Variants in FUT9 observed in about 807,000 individuals in gnomAD.
The protein encoded by FUT9 is 4-galactosyl-N-acetylglucosaminide 3-alpha-L-fucosyltransferase 9.
FUT9 carries 15 observed loss-of-function variants against 29.7 expected under a neutral mutation model. The ratio of observed to expected loss-of-function variants is 0.51; its 90% CI spans 0.34 to 0.78. The LOEUF is 0.78. Among genes scored for constraint, FUT9 ranks in the 30% least tolerant of loss-of-function variants. FUT9 has a pLI of 0.01. For synonymous variants in FUT9, 169 were observed against 153.7 expected (o/e 1.10, Z -0.74); for missense variants, 319 against 425.4 (o/e 0.75, Z 2.20).
At chr6:96,156,742 G>A (rs1230032766) in intron 2 of FUT9, among the ~76,000 whole-genome samples, 1 of 152,104 alleles carries the variant, frequency 6.6e-6, no homozygotes, top group Non-Finnish European at 1.5e-5. Context: ...AAAGCAAGCT[G>A]GCTAACTCCT....
At position 96,208,528 on chromosome 6, in the gene FUT9, A is replaced by G. The variant is rs1304241846; in HGVS notation, c.*4293A>G. ...ACATGAATGTGATAAGTGGTCCTGT[A>G]AAATATTTTTTAAGAGTAGTGACAA... On this transcript the variant is annotated 3_prime_UTR_variant, in exon 3 of 3. Coordinates refer to ENST00000302103, the MANE Select transcript of FUT9 (RefSeq NM_006581.4). 6.0e-6 allele frequency: 1 copy of G among 166,880 alleles called. No individual in the cohort carries two copies. Among genetic ancestry groups the G allele is most frequent in the East Asian group, 1.9e-4 (1 of 5,204 alleles). 10.3% of individuals were successfully genotyped at this position (166,880 alleles called of 1,614,324 possible).
At chr6:96,039,696 T>C (rs182635792) in intron 1 of FUT9, among the ~76,000 whole-genome samples, 1 of 152,256 alleles carries the variant, frequency 6.6e-6, no homozygotes, top group African/African-American at 2.4e-5. Flanking sequence ...ATCTCTCATG[T>C]TGCTTATTAT....
intron 1 of FUT9, among the ~76,000 whole-genome samples, chr6:96,034,934 A>T (rs1229825340): frequency 6.6e-6 from 1 of 151,750 alleles, no homozygotes; most frequent in Non-Finnish European, 1.5e-5. Context: ...GTGGTTTGGG[A>T]ACTACAAGGT....
rs192315364 is a variant in FUT9 at position 96,057,678 on chromosome 6, C to A, written c.-98+41466C>A. Among the ~76,000 whole-genome samples the A allele has an allele frequency of 1.4e-3, 215 of 152,238 alleles. 1 individual carries two copies. Among genetic ancestry groups the A allele is most frequent in the African/African-American group, 5.1e-3 (211 of 41,544 alleles). On this transcript the variant is annotated intron_variant, in intron 1 of 2. Coordinates refer to ENST00000302103, the MANE Select transcript of FUT9 (RefSeq NM_006581.4). ...AAATTCTGTGCCACAATTTTTGCTA[C>A]AGAAAATTAGTGTGAGCACAGAACG...
intron 1 of FUT9, chr6:96,036,889 T>C (rs990027377): frequency 2.0e-5 from 3 of 152,008 alleles, no homozygotes; most frequent in Non-Finnish European, 2.9e-5. Flanking sequence ...CCTGAAGATA[T>C]TATTAAAATG....
chr6:96,117,046 A>AATAT (rs1771925072), intron 2 of FUT9, among the ~76,000 whole-genome samples: 2 of 152,194 alleles, frequency 1.3e-5, no homozygotes, highest in Non-Finnish European at 2.9e-5. Flanking sequence ...GTAATATATA[A>AATAT]ACTTACTGAA....
chr6:96,140,092 C>A (rs1228853594), intron 2 of FUT9, among the ~76,000 whole-genome samples: 2 of 152,114 alleles, frequency 1.3e-5, no homozygotes, highest in African/African-American at 4.8e-5. Flanking sequence ...CCTCCAGATA[C>A]CCTAAATTAT....
At chr6:96,125,261 C>G (rs946681513) in intron 2 of FUT9, among the ~76,000 whole-genome samples, 2 of 152,114 alleles carry the variant, frequency 1.3e-5, no homozygotes, top group African/African-American at 4.8e-5. Context: ...GACTGTTCTT[C>G]CAAATTGCAT....
At chr6:96,083,127 C>G (rs930490454) in intron 1 of FUT9, among the ~76,000 whole-genome samples, 4 of 152,018 alleles carry the variant, frequency 2.6e-5, no homozygotes, top group African/African-American at 9.7e-5. Flanking sequence ...CCTATCCTTT[C>G]TCACCAGAAT....
rs139603861 is a variant in FUT9, at chr6:96,029,019, A to G, written c.-98+12807A>G. Among the ~76,000 whole-genome samples the G allele has an allele frequency of 1.7e-3, 253 of 151,582 alleles. 1 individual carries two copies. The highest frequency in any genetic ancestry group is 5.7e-3 in the African/African-American group (236 of 41,400). ...ACAAAGCCAGAGGAACTACAAAACCATAACTTTTGTTAAACCTGTTGTAAA... is the reference window on the plus strand; with the variant it reads ...ACAAAGCCAGAGGAACTACAAAACCGTAACTTTTGTTAAACCTGTTGTAAA... On this transcript the variant is annotated intron_variant, in intron 1 of 2. Coordinates refer to ENST00000302103, the MANE Select transcript of FUT9 (RefSeq NM_006581.4).
At chr6:96,165,961 T>G (rs998214281) in intron 2 of FUT9, among the ~76,000 whole-genome samples, 1 of 152,162 alleles carries the variant, frequency 6.6e-6, no homozygotes, top group Admixed American at 6.5e-5. Context: ...GACAAAGGTC[T>G]GAGAATTAGC....
chr6:96,199,152 C>A (rs1350927338), intron 2 of FUT9, among the ~76,000 whole-genome samples: 2 of 152,102 alleles, frequency 1.3e-5, no homozygotes, highest in Non-Finnish European at 2.9e-5. Flanking sequence ...TTGCTTTGTG[C>A]TATATGTTTA....
At chr6:96,152,752 C>G (rs1401871997) in intron 2 of FUT9, among the ~76,000 whole-genome samples, 1 of 152,150 alleles carries the variant, frequency 6.6e-6, no homozygotes, top group Non-Finnish European at 1.5e-5. Flanking sequence ...TACGAATATT[C>G]TGCCAAGTAC....
At chr6:96,187,715 A>G (rs1416632287) in intron 2 of FUT9, among the ~76,000 whole-genome samples, 1 of 152,106 alleles carries the variant, frequency 6.6e-6, no homozygotes, top group Non-Finnish European at 1.5e-5. Flanking sequence ...GTTTTAAGTG[A>G]TTAAAATAAA....
intron 2 of FUT9, among the ~76,000 whole-genome samples, chr6:96,151,204 C>A (rs1233690949): frequency 6.6e-6 from 1 of 152,078 alleles, no homozygotes; most frequent in Non-Finnish European, 1.5e-5. Flanking sequence ...CTGCTTGAGG[C>A]TTTAATTCTT....
At chr6:96,062,653 T>A (rs550414664) in intron 1 of FUT9, among the ~76,000 whole-genome samples, 11 of 152,274 alleles carry the variant, frequency 7.2e-5, no homozygotes, top group African/African-American at 2.6e-4. Flanking sequence ...AAAACCTACA[T>A]ACCTAGGGTT....
intron 2 of FUT9, among the ~76,000 whole-genome samples, chr6:96,198,617 C>A (rs1267953216): frequency 1.3e-5 from 2 of 152,126 alleles, no homozygotes; most frequent in Non-Finnish European, 2.9e-5. Context: ...ATTTACAGTC[C>A]TTTGGGTATA....
Position 96,103,632 on chromosome 6 carries a change from T to G in FUT9, c.-97-10407T>G, listed in dbSNP as rs575108164. The stretch of plus-strand genomic sequence containing the variant: ...GTTTCTTGGTTTGTGGCAGCTTAAC[T>G]ACAATCTCTGTTTCTTCTTTAATAG... On this transcript the variant is annotated intron_variant, in intron 1 of 2. Coordinates refer to ENST00000302103, the MANE Select transcript of FUT9 (RefSeq NM_006581.4). Among the ~76,000 whole-genome samples the G allele has an allele frequency of 3.5e-4, 54 of 152,252 alleles. 1 individual carries two copies. The highest frequency in any genetic ancestry group is 1.2e-3 in the African/African-American group (51 of 41,526).
At chr6:96,078,083 T>G (rs1021490473) in intron 1 of FUT9, among the ~76,000 whole-genome samples, 1 of 152,190 alleles carries the variant, frequency 6.6e-6, no homozygotes, top group Admixed American at 6.5e-5. Flanking sequence ...GTGTTCTATT[T>G]CCGGGATGCA....
Sources: allele counts gnomAD v4.1 joint callset (sites outside exome capture counted in the v4.1 genomes callset), GRCh38; gene constraint gnomAD v4.1.1; transcripts MANE v1.5; gene names NCBI Gene and HGNC (gene_info 2026-07-23, HGNC 2026-07-21).